PCDHGA9: variants seen among roughly 807,000 people sequenced by gnomAD.
The protein encoded by PCDHGA9 is protocadherin gamma-A9.
A neutral mutation model predicts 62.5 loss-of-function variants in PCDHGA9; 37 were observed. That is an observed-to-expected ratio of 0.59 (90% confidence interval 0.46 to 0.78). The LOEUF (loss-of-function observed/expected upper bound fraction) is 0.78. Ranked by LOEUF, PCDHGA9 falls within the 30% of genes least tolerant of loss-of-function variation. The pLI is 0.00. For synonymous variants in PCDHGA9, 459 were observed against 484.6 expected (o/e 0.95, Z 0.69); for missense variants, 1,138 against 1,166.2 (o/e 0.98, Z 0.35).
intron 1 of PCDHGA9, among the ~76,000 whole-genome samples, chr5:141,425,778 C>G (rs2096893107): frequency 6.6e-6 from 1 of 152,160 alleles, no homozygotes; most frequent in African/African-American, 2.4e-5. Flanking sequence ...AAGACTTTGC[C>G]TAGTTCTTCC....
rs778271895 is a variant in PCDHGA9 at position 141,404,140 on chromosome 5, T to C, written c.1188T>C (p.Asn396=). ...IQENLSFTLE[N]SEEDYYRLLT... is the part of the protein sequence containing the mutation. ...AGAATCTATCTTTTACATTAGAAAA[T>C]TCAGAAGAAGATTATTACAGATTGT... The change falls in exon 1 of 4, where the codon AAT becomes AAC. Residue 396 remains asparagine, a synonymous_variant. Coordinates refer to ENST00000573521, the MANE Select transcript of PCDHGA9 (RefSeq NM_018921.3). The C allele has an allele frequency of 8.1e-6, 13 of 1,612,934 alleles. No homozygotes were observed. The South Asian group carries it at 1.3e-4, about 16-fold the overall frequency.
At chr5:141,463,844 G>T (rs545618795) in intron 1 of PCDHGA9, among the ~76,000 whole-genome samples, 1 of 152,140 alleles carries the variant, frequency 6.6e-6, no homozygotes, top group African/African-American at 2.4e-5. Context: ...AGTTGTTATA[G>T]TGGTATATCT....
intron 1 of PCDHGA9, chr5:141,418,087 C>G (rs2096220274): frequency 6.2e-7 from 1 of 1,613,894 alleles, no homozygotes; most frequent in African/African-American, 1.3e-5. Context: ...TGCACTTCAG[C>G]GTAGACGCGC....
chr5:141,423,201 C>G, intron 1 of PCDHGA9: 1 of 1,613,628 alleles, frequency 6.2e-7, no homozygotes, highest in Non-Finnish European at 8.5e-7. Context: ...TCTCGGCCAC[C>G]GTCACGCTCA....
intron 1 of PCDHGA9, among the ~76,000 whole-genome samples, chr5:141,437,919 G>A (rs2097917914): frequency 1.3e-5 from 2 of 152,078 alleles, no homozygotes; most frequent in Admixed American, 1.3e-4. Context: ...TGTATTTTTA[G>A]TAGAGATGGG....
At chr5:141,406,650 C>T (rs2094835563) in intron 1 of PCDHGA9, among the ~76,000 whole-genome samples, 1 of 152,130 alleles carries the variant, frequency 6.6e-6, no homozygotes, top group Non-Finnish European at 1.5e-5. Context: ...TTTCCTAATG[C>T]TTTAATGTTA....
intron 1 of PCDHGA9, chr5:141,415,324 G>A (rs2095854761): frequency 1.9e-6 from 3 of 1,614,108 alleles, no homozygotes; most frequent in African/African-American, 2.7e-5. Flanking sequence ...CGTGCTGCTG[G>A]CGCACAGGCT....
At chr5:141,498,669 C>T (rs774292307) in intron 2 of PCDHGA9, among the ~76,000 whole-genome samples, 29 of 152,156 alleles carry the variant, frequency 1.9e-4, no homozygotes, top group African/African-American at 6.0e-4. Flanking sequence ...TGGTGGCTCA[C>T]GCCTGTAATC....
intron 1 of PCDHGA9, chr5:141,409,830 G>C: frequency 6.2e-7 from 1 of 1,611,250 alleles, no homozygotes; most frequent in Non-Finnish European, 8.5e-7. Context: ...CCCACGCTCA[G>C]CGCCAACGTG....
rs372043756 is a variant in PCDHGA9 at position 141,476,212 on chromosome 5, C to G, written c.2425-18595C>G. ...GTGCCTTGAACAAGGCTTCCACGGT[C>G]ATTCACTATGAGATCCCGGAGGAAA... On this transcript the variant is annotated intron_variant, in intron 1 of 3. Coordinates refer to ENST00000573521, the MANE Select transcript of PCDHGA9 (RefSeq NM_018921.3). The surrounding 1 kb of genome is among the most constrained non-coding windows in gnomAD (Gnocchi z 7.6). 6 of 1,613,932 alleles carry G rather than the reference C, an allele frequency of 3.7e-6. No individual in the cohort carries two copies. The highest frequency in any genetic ancestry group is 5.1e-6 in the Non-Finnish European group (6 of 1,180,012).
intron 1 of PCDHGA9, chr5:141,409,410 A>G (rs1465791228): frequency 6.2e-7 from 1 of 1,614,036 alleles, no homozygotes; most frequent in African/African-American, 1.3e-5. Flanking sequence ...AACTACTACA[A>G]ACTGGTGACA....
rs1416261372 is a variant in PCDHGA9, at chr5:141,404,224, AAC to A, written c.1274_1275del (p.Thr425ArgfsTer19). On this transcript the variant is annotated frameshift_variant, in exon 1 of 4. Coordinates refer to ENST00000573521, the MANE Select transcript of PCDHGA9 (RefSeq NM_018921.3). LOFTEE classifies it high-confidence loss of function. ...CAGAATATAATATCACGGTGACTGC[AAC>A]AGACAGAGGAACTCCGCCCCTGTCC... ...ASEYNITVTA[T>X]DRGTPPLSTE... 1 of 1,613,704 alleles carries A rather than the reference AAC, an allele frequency of 6.2e-7. No homozygotes were observed. The highest frequency in any genetic ancestry group is 8.5e-7 in the Non-Finnish European group (1 of 1,179,792).
chr5:141,462,414 T>C (rs549473269), intron 1 of PCDHGA9, among the ~76,000 whole-genome samples: 1 of 152,360 alleles, frequency 6.6e-6, no homozygotes, highest in Non-Finnish European at 1.5e-5. Flanking sequence ...CAGAATATGG[T>C]CTATCTTGGT....
intron 1 of PCDHGA9, among the ~76,000 whole-genome samples, chr5:141,438,655 T>C (rs1436221152): frequency 7.1e-6 from 1 of 140,042 alleles, no homozygotes; most frequent in Non-Finnish European, 1.5e-5. Flanking sequence ...CACACACATA[T>C]ATGTATATAT....
At chr5:141,498,803 C>T (rs916966107) in intron 2 of PCDHGA9, among the ~76,000 whole-genome samples, 5 of 151,982 alleles carry the variant, frequency 3.3e-5, no homozygotes, top group African/African-American at 1.2e-4. Flanking sequence ...TGTGGTGGTG[C>T]ACACCTGTAG....
chr5:141,492,050 C>CT, intron 1 of PCDHGA9: 1 of 501,102 alleles, frequency 2.0e-6, no homozygotes, highest in Non-Finnish European at 3.5e-6. Flanking sequence ...AGATCCACCC[C>CT]TGCAGCCAGC....
intron 1 of PCDHGA9, among the ~76,000 whole-genome samples, chr5:141,472,346 C>G (rs1393301393): frequency 6.6e-6 from 1 of 151,722 alleles, no homozygotes; most frequent in Non-Finnish European, 1.5e-5. Flanking sequence ...TCGAGACCAT[C>G]CTGGCTAACA....
Position 141,413,166 on chromosome 5 carries a change from C to T in PCDHGA9, c.2424+7790C>T, listed in dbSNP as rs758193163. ...GTGAGGACTTTGCAGAATTCTGTAA[C>T]CAGACTACAATGGCCGCTCAAAGGA... On this transcript the variant is annotated intron_variant, in intron 1 of 3. Transcript: ENST00000573521. 5 of 1,590,278 alleles carry T rather than the reference C, an allele frequency of 3.1e-6. No individual in the cohort carries two copies. The East Asian group carries it at 1.1e-4, about 36-fold the overall frequency.
chr5:141,405,418 T>C (rs2094662415), intron 1 of PCDHGA9, 42 bp downstream of exon 1: 1 of 1,508,444 alleles, frequency 6.6e-7, no homozygotes, highest in South Asian at 1.2e-5. Context: ...TTTTTTTGTT[T>C]TTTGTTTTGT....
Sources: gnomAD v4.1 joint callset for allele counts (sites outside exome capture counted in the v4.1 genomes callset) on GRCh38, gnomAD v4.1.1 for gene constraint, Gnocchi (gnomAD v3.1) non-coding constraint, MANE v1.5 for transcripts, NCBI Gene and HGNC (gene_info 2026-07-23, HGNC 2026-07-21) for gene names.